Variants in OPHN1 observed in about 807,000 individuals in gnomAD.
OPHN1 encodes the protein oligophrenin 1, also known as oligophrenin-1.
A neutral mutation model predicts 60.7 loss-of-function variants in OPHN1; 11 were observed. That is an observed-to-expected ratio of 0.18 (90% CI 0.11 to 0.30). OPHN1 has a LOEUF of 0.30. OPHN1 is among the 10% of genes least tolerant of loss of function. The pLI, the probability that OPHN1 is intolerant of heterozygous loss-of-function variation, is 1.00. For synonymous variants in OPHN1, 226 were observed against 222.6 expected, an observed-to-expected ratio of 1.02 and a Z score of -0.14; for missense variants, 449 against 611.0, an observed-to-expected ratio of 0.73 and a Z score of 2.80.
intron 2 of OPHN1, among the ~76,000 whole-genome samples, chrX:68,312,252 A>ATTTTTTT (rs1238021221): frequency 4.3e-5 from 3 of 69,829 alleles, no homozygotes; most frequent in Admixed American, 1.8e-4. Flanking sequence ...GGCTCGGCTA[A>ATTTTTTT]TTTTTTTTTT....
chrX:68,074,188 T>C (rs1408854662), intron 19 of OPHN1, among the ~76,000 whole-genome samples: 2 of 111,573 alleles, frequency 1.8e-5, no homozygotes, highest in Non-Finnish European at 3.8e-5. Context: ...AAGAGAAATG[T>C]CAGAGCCCAA....
At chrX:68,335,972 G>A (rs1437737954) in intron 2 of OPHN1, among the ~76,000 whole-genome samples, 1 of 110,073 alleles carries the variant, frequency 9.1e-6, no homozygotes, top group African/African-American at 3.3e-5. Flanking sequence ...TTAAACTACC[G>A]TTGCCTAGGC....
At chrX:68,289,915 G>A (rs948095801) in intron 3 of OPHN1, among the ~76,000 whole-genome samples, 1 of 111,651 alleles carries the variant, frequency 9.0e-6, no homozygotes, top group Non-Finnish European at 1.9e-5. Flanking sequence ...AATAGCTAGA[G>A]TGTCACACTA....
intron 2 of OPHN1, among the ~76,000 whole-genome samples, chrX:68,381,325 C>T (rs1292325685): frequency 8.9e-6 from 1 of 111,804 alleles, no homozygotes; most frequent in Non-Finnish European, 1.9e-5. Context: ...TCTATTTCCC[C>T]AAATAGAATT....
intron 6 of OPHN1, among the ~76,000 whole-genome samples, chrX:68,228,692 C>A (rs957660158): frequency 2.6e-4 from 29 of 110,958 alleles, no homozygotes; most frequent in Admixed American, 2.5e-3. Context: ...GCAGAAAAGG[C>A]CTATGACAAA....
At chrX:68,344,654 C>T (rs1296614263) in intron 2 of OPHN1, among the ~76,000 whole-genome samples, 1 of 110,830 alleles carries the variant, frequency 9.0e-6, no homozygotes, top group Non-Finnish European at 1.9e-5. Context: ...GAGGGAGGAG[C>T]GCTTGAACCC....
In OPHN1 at chrX:68,251,343, A is replaced by G. The variant is rs1459310258; in HGVS notation, c.385-16755T>C. On this transcript the variant is annotated intron_variant, in intron 5 of 24. Transcript: ENST00000355520. The stretch of plus-strand genomic sequence containing the variant: ...TGGGATTACAGGCACGCACCACCAC[A>G]CCCAGTTAATTTTTGTATTTTTAGT... Among the ~76,000 whole-genome samples the G allele has an allele frequency of 2.8e-5, 3 of 107,415 alleles. No individual in the cohort carries two copies. In the Admixed American group the frequency reaches 3.0e-4, roughly 11 times the overall value. 93.3% of individuals were successfully genotyped at this position (107,415 alleles called of 115,157 possible).
intron 19 of OPHN1, among the ~76,000 whole-genome samples, chrX:68,077,047 A>G (rs938885955): frequency 4.5e-5 from 5 of 111,519 alleles, no homozygotes; most frequent in African/African-American, 1.6e-4. Flanking sequence ...GCGACCAGCC[A>G]CTGAAAAGGA....
intron 5 of OPHN1, among the ~76,000 whole-genome samples, chrX:68,259,578 T>G (rs773171281): frequency 8.9e-6 from 1 of 112,169 alleles, no homozygotes; most frequent in Non-Finnish European, 1.9e-5. Flanking sequence ...ATGTACTATA[T>G]GTACCAAACT....
chrX:68,078,713 C>T (rs918909953), intron 19 of OPHN1, among the ~76,000 whole-genome samples: 9 of 110,843 alleles, frequency 8.1e-5, no homozygotes, highest in African/African-American at 1.3e-4. Flanking sequence ...CAGCTGGGCG[C>T]GGTGGCTCAT....
chrX:68,216,834 A>G (rs1186973965), intron 6 of OPHN1, among the ~76,000 whole-genome samples: 1 of 112,116 alleles, frequency 8.9e-6, no homozygotes, highest in East Asian at 2.8e-4. Context: ...ACATGAACAG[A>G]CATTTTTCAA....
intron 5 of OPHN1, among the ~76,000 whole-genome samples, chrX:68,264,428 C>A (rs1305654673): frequency 1.8e-5 from 2 of 111,558 alleles, no homozygotes; most frequent in Non-Finnish European, 3.8e-5. Flanking sequence ...CAAACAACCC[C>A]ATCAAAAAGT....
intron 5 of OPHN1, among the ~76,000 whole-genome samples, chrX:68,265,961 G>C (rs2077922992): frequency 1.8e-5 from 2 of 111,660 alleles, no homozygotes; most frequent in South Asian, 7.6e-4. Flanking sequence ...AATGAAGTGA[G>C]AAGAGAGGTT....
intron 5 of OPHN1, among the ~76,000 whole-genome samples, chrX:68,255,804 T>C (rs2077860391): frequency 9.0e-6 from 1 of 111,143 alleles, no homozygotes; most frequent in South Asian, 3.8e-4. Flanking sequence ...AGACATGGTA[T>C]AATGATTTTT....
chrX:68,315,024 G>A (rs1265190178), intron 2 of OPHN1, among the ~76,000 whole-genome samples: 1 of 107,642 alleles, frequency 9.3e-6, no homozygotes, highest in Admixed American at 1.0e-4. Flanking sequence ...GAGACACAGA[G>A]AGAGAATCAG....
At chrX:68,412,236 G>T (rs1217895135) in intron 2 of OPHN1, among the ~76,000 whole-genome samples, 1 of 111,974 alleles carries the variant, frequency 8.9e-6, no homozygotes, top group Non-Finnish European at 1.9e-5. Context: ...AGACAGCTTT[G>T]CAGGGCTACT....
At chrX:68,393,061 G>A (rs2078661654) in intron 2 of OPHN1, among the ~76,000 whole-genome samples, 1 of 111,696 alleles carries the variant, frequency 9.0e-6, no homozygotes, top group Non-Finnish European at 1.9e-5. Flanking sequence ...TGGATGGCAG[G>A]GCTAAAAGGG....
intron 2 of OPHN1, among the ~76,000 whole-genome samples, chrX:68,342,884 T>C (rs2078360081): frequency 9.0e-6 from 1 of 110,752 alleles, no homozygotes; most frequent in South Asian, 3.9e-4. Context: ...AAGGCTGCAG[T>C]AAGACAAGTT....
chrX:68,317,627 GAGAAA>G (rs2078214837), intron 2 of OPHN1, among the ~76,000 whole-genome samples: 1 of 91,190 alleles, frequency 1.1e-5, no homozygotes, highest in Non-Finnish European at 2.1e-5. Context: ...GTGAGGGAAG[GAGAAA>G]AGAAAAGAAA....
Sources: allele counts gnomAD v4.1 joint callset (sites outside exome capture counted in the v4.1 genomes callset), GRCh38; gene constraint gnomAD v4.1.1; transcripts MANE v1.5; gene names NCBI Gene and HGNC (gene_info 2026-07-23, HGNC 2026-07-21).